The following SLC14A2 variants were observed in gnomAD, a reference collection of about 807,000 sequenced individuals.
SLC14A2 encodes the protein urea transporter 2.
A neutral mutation model predicts 104.6 loss-of-function variants in SLC14A2; 91 were observed. That is an observed-to-expected ratio of 0.87 (90% CI 0.73 to 1.04). SLC14A2 has a LOEUF of 1.04. Among genes scored for constraint, SLC14A2 ranks in the 50% least tolerant of loss-of-function variants. SLC14A2 has a pLI of 0.00. For missense variants in SLC14A2, 1,189 were observed against 1,156.0 expected (o/e 1.03, Z -0.41); for synonymous variants, 476 against 466.4 (o/e 1.02, Z -0.27).
chr18:45,213,127 T>C (rs1303200818), exon 1 of SLC14A2: 1 of 152,226 alleles, frequency 6.6e-6, no homozygotes, highest in Non-Finnish European at 1.5e-5. Flanking sequence ...TTTGCACCTC[T>C]ACCTACAGAC....
rs561043181 is a variant in SLC14A2 at position 45,405,327 on chromosome 18, T to C, written c.-124-77906T>C. On this transcript the variant is annotated intron_variant, in intron 1 of 20. Coordinates refer to the SLC14A2 transcript ENST00000586448. Reference sequence around the variant, plus strand: ...CAGGAGAGGTTCAAGTAGCAAAGGATTGAAACAAAAGGAGAATCTAGGCAC... The same window carrying C: ...CAGGAGAGGTTCAAGTAGCAAAGGACTGAAACAAAAGGAGAATCTAGGCAC... Among the ~76,000 whole-genome samples, 266 of 152,150 alleles carry C rather than the reference T, an allele frequency of 1.7e-3. 1 individual carries two copies. Among genetic ancestry groups the C allele is most frequent in the African/African-American group, 6.2e-3 (256 of 41,534 alleles).
the SLC14A2 span, among the ~76,000 whole-genome samples, chr18:45,186,850 A>G: frequency 4.6e-5 from 7 of 152,176 alleles, no homozygotes; most frequent in Non-Finnish European, 2.9e-5. Flanking sequence ...CCAAATTTCT[A>G]TGAACTTTCC....
intron 1 of SLC14A2, among the ~76,000 whole-genome samples, chr18:45,472,375 C>G (rs1046685180): frequency 6.6e-6 from 1 of 152,100 alleles, no homozygotes; most frequent in African/African-American, 2.4e-5. Context: ...GATTTATAAT[C>G]CTTTCGGTAT....
intron 1 of SLC14A2, among the ~76,000 whole-genome samples, chr18:45,404,455 A>G (rs928963147): frequency 2.0e-5 from 3 of 152,152 alleles, no homozygotes; most frequent in African/African-American, 4.8e-5. Flanking sequence ...TCCCATTAGT[A>G]ATGAAGTGTC....
chr18:45,332,388 T>G (rs578202700), intron 1 of SLC14A2, among the ~76,000 whole-genome samples: 6 of 152,324 alleles, frequency 3.9e-5, no homozygotes, highest in Non-Finnish European at 7.4e-5. Flanking sequence ...CTAAAGATAA[T>G]TAAAGTTACA....
chr18:45,563,741 A>G (rs1312364329), intron 2 of SLC14A2, among the ~76,000 whole-genome samples: 1 of 152,234 alleles, frequency 6.6e-6, no homozygotes, highest in Admixed American at 6.5e-5. Context: ...GACTTTATAG[A>G]GGGAATACAA....
At chr18:45,643,534 GT>G (rs956411239) in intron 9 of SLC14A2, among the ~76,000 whole-genome samples, 11 of 152,232 alleles carry the variant, frequency 7.2e-5, no homozygotes, top group African/African-American at 2.6e-4. Context: ...TATCTGTTTT[GT>G]TTTTGTTTTC....
intron 2 of SLC14A2, among the ~76,000 whole-genome samples, chr18:45,544,839 C>T (rs1318722166): frequency 1.6e-5 from 2 of 128,770 alleles, no homozygotes; most frequent in African/African-American, 6.0e-5. Context: ...GTTGCCCAGG[C>T]TGGAGTGCAG....
At chr18:45,601,098 CA>C (rs1319211158) in intron 2 of SLC14A2, among the ~76,000 whole-genome samples, 1 of 152,186 alleles carries the variant, frequency 6.6e-6, no homozygotes, top group East Asian at 1.9e-4. Context: ...CTTATTCCAC[CA>C]AACCTGACTG....
intron 1 of SLC14A2, among the ~76,000 whole-genome samples, chr18:45,427,266 G>GGA (rs2086447301): frequency 6.7e-6 from 1 of 148,742 alleles, no homozygotes; most frequent in Non-Finnish European, 1.5e-5. Context: ...AAAAGAAAGG[G>GGA]AAAAAAAAAA....
chr18:45,236,553 A>G (rs1300378605), intron 1 of SLC14A2, among the ~76,000 whole-genome samples: 1 of 93,888 alleles, frequency 1.1e-5, no homozygotes, highest in Admixed American at 9.9e-5. Flanking sequence ...GTATGTGTGT[A>G]TATATGTGTA....
At chr18:45,257,455 CT>C (rs925146094) in intron 1 of SLC14A2, among the ~76,000 whole-genome samples, 6 of 152,302 alleles carry the variant, frequency 3.9e-5, no homozygotes, top group African/African-American at 1.2e-4. Flanking sequence ...AGTTCTTCCT[CT>C]CTTCTTTTAA....
chr18:45,232,533 C>T (rs191727297), intron 1 of SLC14A2, among the ~76,000 whole-genome samples: 10 of 152,328 alleles, frequency 6.6e-5, no homozygotes, highest in Admixed American at 4.6e-4. Context: ...TTCTAATTCT[C>T]TGGCATTCTA....
intron 1 of SLC14A2, among the ~76,000 whole-genome samples, chr18:45,309,129 G>GATAGT (rs2085053073): frequency 6.6e-6 from 1 of 152,052 alleles, no homozygotes; most frequent in Non-Finnish European, 1.5e-5. Flanking sequence ...CTATGCCAAG[G>GATAGT]TTCTATCCTC....
At chr18:45,418,844 GA>G (rs565332605) in intron 1 of SLC14A2, among the ~76,000 whole-genome samples, 32 of 151,650 alleles carry the variant, frequency 2.1e-4, no homozygotes, top group Admixed American at 1.2e-3. Flanking sequence ...TCCTTCTGAG[GA>G]AAAAAAAGGC....
chr18:45,371,645 C>T (rs1194838202), intron 1 of SLC14A2, among the ~76,000 whole-genome samples: 4 of 152,186 alleles, frequency 2.6e-5, no homozygotes, highest in African/African-American at 4.8e-5. Context: ...TTCTCTAAAA[C>T]CTTGTGCTTT....
Position 45,632,897 on chromosome 18 carries a change from T to C in SLC14A2, c.650+419T>C, listed in dbSNP as rs376896037. Among the ~76,000 whole-genome samples the C allele has an allele frequency of 1.4e-4, 21 of 152,314 alleles. 2 individuals are homozygous for C. In the South Asian group the frequency reaches 3.7e-3, roughly 27 times the overall value. ...TTTCACTGTGTTAGCCAGGATGGTC[T>C]CGATCTCCTGACCTCGTGATCCACC... On this transcript the variant is annotated intron_variant, in intron 5 of 19. Coordinates refer to ENST00000255226, the MANE Select transcript of SLC14A2 (RefSeq NM_007163.4).
chr18:45,566,860 AGG>A (rs2044273641), intron 2 of SLC14A2, among the ~76,000 whole-genome samples: 1 of 152,208 alleles, frequency 6.6e-6, no homozygotes, highest in African/African-American at 2.4e-5. Flanking sequence ...CTAGAAGTCA[AGG>A]TGAGAAGCTT....
chr18:45,633,493 G>GT (rs1280912711), intron 5 of SLC14A2, among the ~76,000 whole-genome samples: 1 of 152,232 alleles, frequency 6.6e-6, no homozygotes, highest in Non-Finnish European at 1.5e-5. Flanking sequence ...AGCGAAGGGT[G>GT]TGCTGGGCCA....
Sources: gnomAD v4.1 joint callset for allele counts (sites outside exome capture counted in the v4.1 genomes callset) on GRCh38, gnomAD v4.1.1 for gene constraint, MANE v1.5 for transcripts, NCBI Gene and HGNC (gene_info 2026-07-23, HGNC 2026-07-21) for gene names.